The following ANTXR1 variants were observed in gnomAD, a reference collection of about 807,000 sequenced individuals.
The protein encoded by ANTXR1 is ANTXR cell adhesion molecule 1, also known as anthrax toxin receptor 1.
ANTXR1 carries 19 observed loss-of-function variants against 78.1 expected under a neutral mutation model. The observed-to-expected ratio is 0.24, with a 90% confidence interval of 0.17 to 0.36. ANTXR1 has a LOEUF of 0.36. ANTXR1 is among the 10% of genes least tolerant of loss of function. ANTXR1 has a pLI of 1.00. For synonymous variants in ANTXR1, 273 were observed against 260.5 expected, an observed-to-expected ratio of 1.05 and a Z score of -0.46; for missense variants, 518 against 718.6, an observed-to-expected ratio of 0.72 and a Z score of 3.19.
chr2:69,212,855 C>A (rs1269126199), intron 17 of ANTXR1, among the ~76,000 whole-genome samples: 2 of 152,004 alleles, frequency 1.3e-5, no homozygotes, highest in African/African-American at 4.8e-5. Context: ...ATTGCCCAGG[C>A]CAGAGTGCAG....
At chr2:69,152,718 C>G (rs1240947038) in intron 13 of ANTXR1, among the ~76,000 whole-genome samples, 1 of 152,166 alleles carries the variant, frequency 6.6e-6, no homozygotes, top group Non-Finnish European at 1.5e-5. Flanking sequence ...TCTGGCCTGA[C>G]CTCTTTATTT....
At chr2:69,180,587 T>C (rs1247956867) in intron 14 of ANTXR1, among the ~76,000 whole-genome samples, 1 of 149,932 alleles carries the variant, frequency 6.7e-6, no homozygotes, top group South Asian at 2.1e-4. Flanking sequence ...TTGCAGACAC[T>C]TAATTAACTG....
At chr2:69,073,238 AAAT>A (rs113688651) in intron 6 of ANTXR1, 137 bp downstream of exon 6, 27 of 742,840 alleles carry the variant, frequency 3.6e-5, no homozygotes, top group South Asian at 4.7e-5. Context: ...TCATAAGTAG[AAAT>A]AATAATAATA....
intron 13 of ANTXR1, among the ~76,000 whole-genome samples, chr2:69,169,182 G>T (rs1269276041): frequency 6.6e-6 from 1 of 152,244 alleles, no homozygotes; most frequent in East Asian, 1.9e-4. Flanking sequence ...ACTGGAGGAA[G>T]AAAAAATGGG....
chr2:69,022,904 G>C (rs542469317), intron 1 of ANTXR1, among the ~76,000 whole-genome samples: 1 of 152,222 alleles, frequency 6.6e-6, no homozygotes, highest in African/African-American at 2.4e-5. Flanking sequence ...GAGAGGCCAT[G>C]TTTTGCCCTT....
chr2:69,148,690 A>G (rs1573933859), intron 12 of ANTXR1, among the ~76,000 whole-genome samples: 1 of 149,556 alleles, frequency 6.7e-6, no homozygotes. Flanking sequence ...GCTAACAACA[A>G]TGTTATTACC....
intron 17 of ANTXR1, among the ~76,000 whole-genome samples, chr2:69,238,813 C>T (rs974720377): frequency 2.0e-5 from 3 of 152,186 alleles, no homozygotes; most frequent in Non-Finnish European, 4.4e-5. Flanking sequence ...CCTGTGGAAT[C>T]CATTTTCCTT....
chr2:69,162,480 T>G (rs1673706436), intron 13 of ANTXR1, among the ~76,000 whole-genome samples: 1 of 152,180 alleles, frequency 6.6e-6, no homozygotes, highest in Non-Finnish European at 1.5e-5. Context: ...TTGGAAATGC[T>G]TAGGGATCTG....
intron 16 of ANTXR1, among the ~76,000 whole-genome samples, chr2:69,184,063 TCACACA>T: frequency 6.7e-6 from 1 of 149,934 alleles, no homozygotes; most frequent in South Asian, 2.1e-4. Context: ...ATACACACAC[TCACACA>T]CACACACACA....
At chr2:69,144,323 T>G (rs1673157779) in intron 12 of ANTXR1, among the ~76,000 whole-genome samples, 1 of 152,234 alleles carries the variant, frequency 6.6e-6, no homozygotes, top group Non-Finnish European at 1.5e-5. Context: ...ACATAGTTCC[T>G]TGATCTCTGC....
At chr2:69,221,760 GAAAT>G (rs1459852049) in intron 17 of ANTXR1, among the ~76,000 whole-genome samples, 1 of 152,094 alleles carries the variant, frequency 6.6e-6, no homozygotes, top group African/African-American at 2.4e-5. Flanking sequence ...ATGAAATGTG[GAAAT>G]AAATATGTAC....
At chr2:69,188,659 G>A (rs1169054777) in intron 16 of ANTXR1, among the ~76,000 whole-genome samples, 5 of 152,262 alleles carry the variant, frequency 3.3e-5, no homozygotes, top group African/African-American at 1.2e-4. Context: ...CTTGAGGCTT[G>A]TGGATAAATC....
chr2:69,067,363 A>T (rs1670429382), intron 3 of ANTXR1, among the ~76,000 whole-genome samples: 1 of 151,732 alleles, frequency 6.6e-6, no homozygotes, highest in Non-Finnish European at 1.5e-5. Context: ...AGGCTTAGAG[A>T]AAATATCCCA....
At chr2:69,063,720 TACAA>T (rs1218925428) in intron 3 of ANTXR1, among the ~76,000 whole-genome samples, 7 of 152,296 alleles carry the variant, frequency 4.6e-5, no homozygotes, top group Non-Finnish European at 7.3e-5. Context: ...TTGGATTTGT[TACAA>T]ACAGAGAAAT....
chr2:69,043,678 G>C (rs1669674932), intron 2 of ANTXR1, among the ~76,000 whole-genome samples: 1 of 152,132 alleles, frequency 6.6e-6, no homozygotes, highest in Non-Finnish European at 1.5e-5. Flanking sequence ...GAGACAGTAG[G>C]AGTCATTGGA....
Position 69,170,244 on chromosome 2 carries a change from T to G in ANTXR1, c.1048-4T>G. 1 of 1,614,176 alleles carries G rather than the reference T, an allele frequency of 6.2e-7. No homozygotes were observed. The highest frequency in any genetic ancestry group is 8.5e-7 in the Non-Finnish European group (1 of 1,180,028). ...CACTGACCTGTTCTCTGTTTTCTTT[T>G]CAGATTATCAAGGAGGTCCCTCCAC... On this transcript the variant is annotated splice_region_variant and splice_polypyrimidine_tract_variant and intron_variant, in intron 13 of 17. Coordinates refer to ENST00000303714, the MANE Select transcript of ANTXR1 (RefSeq NM_032208.3).
chr2:69,238,297 T>C (rs1173093387), intron 17 of ANTXR1, among the ~76,000 whole-genome samples: 1 of 152,212 alleles, frequency 6.6e-6, no homozygotes, highest in African/African-American at 2.4e-5. Context: ...TTAACTACTG[T>C]CTGTCTTCAC....
intron 3 of ANTXR1, among the ~76,000 whole-genome samples, chr2:69,067,689 A>C (rs1670441845): frequency 6.6e-6 from 1 of 152,062 alleles, no homozygotes; most frequent in Non-Finnish European, 1.5e-5. Context: ...AACAGACCCC[A>C]GTTTTCCTAT....
chr2:69,238,579 T>C (rs958000573), intron 17 of ANTXR1, among the ~76,000 whole-genome samples: 1 of 152,150 alleles, frequency 6.6e-6, no homozygotes, highest in Non-Finnish European at 1.5e-5. Flanking sequence ...CGATGAGGTT[T>C]TGTGGTCTAG....
Sources: gnomAD v4.1 joint callset for allele counts (sites outside exome capture counted in the v4.1 genomes callset) on GRCh38, gnomAD v4.1.1 for gene constraint, MANE v1.5 for transcripts, NCBI Gene and HGNC (gene_info 2026-07-23, HGNC 2026-07-21) for gene names.